Variants in PTPRG observed in about 807,000 individuals in gnomAD.
PTPRG encodes protein tyrosine phosphatase receptor type G, also known as receptor-type tyrosine-protein phosphatase gamma.
In PTPRG, 102 loss-of-function variants were observed where a neutral mutation model predicts 165.3. The observed-to-expected ratio is 0.62, with a 90% CI of 0.53 to 0.73. The LOEUF is 0.73. PTPRG is among the 30% of genes least tolerant of loss of function. The probability of loss-of-function intolerance (pLI) is 0.00; values close to 1 mark genes in which losing one functional copy is unlikely to be tolerated. For synonymous variants in PTPRG, 675 were observed against 669.5 expected, an observed-to-expected ratio of 1.01 and a Z score of -0.13; for missense variants, 1,866 against 1,861.4, an observed-to-expected ratio of 1.00 and a Z score of -0.05.
At chr3:61,910,203 C>G (rs1281756374) in intron 2 of PTPRG, among the ~76,000 whole-genome samples, 2 of 152,268 alleles carry the variant, frequency 1.3e-5, no homozygotes, top group African/African-American at 2.4e-5. Flanking sequence ...GTGTATTGAT[C>G]CATCCCATTC....
chr3:61,653,376 T>G (rs1364020473), intron 1 of PTPRG, among the ~76,000 whole-genome samples: 2 of 152,192 alleles, frequency 1.3e-5, no homozygotes, highest in African/African-American at 4.8e-5. Context: ...CTGTTCCTTG[T>G]CATTTTTAGC....
At chr3:61,811,192 G>A (rs994300722) in intron 2 of PTPRG, among the ~76,000 whole-genome samples, 3 of 151,976 alleles carry the variant, frequency 2.0e-5, no homozygotes, top group African/African-American at 7.2e-5. Flanking sequence ...TGTCATGGAA[G>A]GCCCATGAAT....
intron 2 of PTPRG, among the ~76,000 whole-genome samples, chr3:61,849,758 T>C (rs889225304): frequency 1.3e-5 from 2 of 152,220 alleles, no homozygotes; most frequent in African/African-American, 4.8e-5. Context: ...AAATCCTGCG[T>C]ATACCCATAG....
chr3:61,709,424 C>G (rs1005438527), intron 1 of PTPRG, among the ~76,000 whole-genome samples: 3 of 152,144 alleles, frequency 2.0e-5, no homozygotes, highest in African/African-American at 7.2e-5. Flanking sequence ...AAGTGGTTCT[C>G]CTGCCTCACC....
chr3:61,853,477 T>G (rs1271772202), intron 2 of PTPRG, among the ~76,000 whole-genome samples: 1 of 152,218 alleles, frequency 6.6e-6, no homozygotes, highest in Non-Finnish European at 1.5e-5. Context: ...CACCAACAGC[T>G]GGTACCATTT....
chr3:61,610,379 G>T (rs982727176), intron 1 of PTPRG, among the ~76,000 whole-genome samples: 1 of 152,022 alleles, frequency 6.6e-6, no homozygotes, highest in Non-Finnish European at 1.5e-5. Context: ...CAAATCATTT[G>T]GTAGATGTAT....
Position 62,106,578 on chromosome 3 carries a change from G to A in PTPRG, c.616-26024G>A, listed in dbSNP as rs557591605. On this transcript the variant is annotated intron_variant, in intron 5 of 29. Transcript: ENST00000474889. ...TGCAGTGACGCAATCACGGTTCACC[G>A]CAGCCTTGACATCCCCCAGGTTCTA... is the stretch of plus-strand genomic sequence containing the variant. Among the ~76,000 whole-genome samples, 15 of 144,788 alleles carry A rather than the reference G, an allele frequency of 1.0e-4. No homozygotes were observed. The South Asian group carries it at 2.2e-3, about 21-fold the overall frequency. 95.0% of individuals were successfully genotyped at this position (144,788 alleles called of 152,430 possible).
At chr3:61,680,403 A>T (rs192456936) in intron 1 of PTPRG, among the ~76,000 whole-genome samples, 1 of 151,740 alleles carries the variant, frequency 6.6e-6, no homozygotes, top group African/African-American at 2.4e-5. Flanking sequence ...ACTCTTGCCC[A>T]GGCTGAGTAT....
intron 1 of PTPRG, 123 bp downstream of exon 1, chr3:61,562,495 C>G: frequency 5.0e-6 from 4 of 801,658 alleles, no homozygotes; most frequent in Non-Finnish European, 8.2e-6. Flanking sequence ...GAGGGTGGCC[C>G]GGCGCCCGGA....
chr3:62,090,671 A>G (rs185501242), intron 5 of PTPRG, among the ~76,000 whole-genome samples: 8 of 152,328 alleles, frequency 5.3e-5, no homozygotes, highest in Non-Finnish European at 8.8e-5. Flanking sequence ...AAATAACAGT[A>G]GGTGATATTT....
intron 1 of PTPRG, among the ~76,000 whole-genome samples, chr3:61,621,421 G>T (rs1701454439): frequency 6.6e-6 from 1 of 152,174 alleles, no homozygotes; most frequent in Admixed American, 6.5e-5. Flanking sequence ...TTCAGCAGCA[G>T]TTCTTCTCCC....
chr3:62,190,192 C>T lies in PTPRG; in HGVS notation c.1034-1277C>T, dbSNP rs772250013. ...AGCAACCTTTGGCAACACCTGGAGA[C>T]ATTTTTGGTTGTCACAAGTTGAGGA... On this transcript the variant is annotated intron_variant, in intron 8 of 29. Coordinates refer to ENST00000474889, the MANE Select transcript of PTPRG (RefSeq NM_002841.4). This position sits in a 1 kb window ranked among gnomAD's most constrained non-coding sequence, Gnocchi z 5.2. 5.3e-5 allele frequency among the ~76,000 whole-genome samples: 8 copies of T among 152,272 alleles called. No homozygotes were observed. The highest frequency in any genetic ancestry group is 2.1e-4 in the South Asian group (1 of 4,826).
At position 61,649,646 on chromosome 3, in the gene PTPRG, A is replaced by G. The variant is rs75791815; in HGVS notation, c.85+87274A>G. Among the ~76,000 whole-genome samples, 559 of 152,378 alleles carry G rather than the reference A, an allele frequency of 3.7e-3. 4 individuals carry two copies. Among genetic ancestry groups the G allele is most frequent in the African/African-American group, 0.011 (438 of 41,600 alleles). Reference sequence around the variant, plus strand: ...ACAACACCTACGTTTTGGAGGAGACATGCAGGCTTCAAATCACAGCAGGGC... The same window carrying G: ...ACAACACCTACGTTTTGGAGGAGACGTGCAGGCTTCAAATCACAGCAGGGC... On this transcript the variant is annotated intron_variant, in intron 1 of 29. Coordinates refer to ENST00000474889, the MANE Select transcript of PTPRG (RefSeq NM_002841.4).
At chr3:62,199,422 G>T (rs558314819) in intron 10 of PTPRG, among the ~76,000 whole-genome samples, 2 of 152,022 alleles carry the variant, frequency 1.3e-5, no homozygotes, top group East Asian at 1.9e-4. Flanking sequence ...AGACCATGTG[G>T]CCACCTAAAG....
intron 2 of PTPRG, among the ~76,000 whole-genome samples, chr3:61,924,913 G>A (rs1002363531): frequency 2.0e-5 from 3 of 152,170 alleles, no homozygotes; most frequent in Non-Finnish European, 2.9e-5. Flanking sequence ...GGTCATAAGC[G>A]TGGAGCTCTC....
In PTPRG at chr3:62,066,909, G is replaced by A. The variant is rs349169; in HGVS notation, c.520-11254G>A. Among the ~76,000 whole-genome samples the A allele has an allele frequency of 6.2e-3, 944 of 151,940 alleles. 7 individuals carry two copies. The highest frequency in any genetic ancestry group is 0.021 in the African/African-American group (883 of 41,426). On this transcript the variant is annotated intron_variant, in intron 4 of 29. Transcript: ENST00000474889. ...AATAATTAGCTGGATGTGGTGGCAC[G>A]TGCCTGTAATCCCAGCTACTCAGGA...
chr3:61,767,732 G>T, intron 2 of PTPRG, among the ~76,000 whole-genome samples: 1 of 152,132 alleles, frequency 6.6e-6, no homozygotes, highest in Non-Finnish European at 1.5e-5. Context: ...ACTTTGGGAA[G>T]CCGAGGTGGG....
chr3:61,850,967 G>A (rs979961309), intron 2 of PTPRG, among the ~76,000 whole-genome samples: 1 of 152,184 alleles, frequency 6.6e-6, no homozygotes, highest in Non-Finnish European at 1.5e-5. Context: ...TTTCTGAGAG[G>A]CTCCAGCACT....
chr3:61,876,572 T>A (rs954660354), intron 2 of PTPRG, among the ~76,000 whole-genome samples: 1 of 152,168 alleles, frequency 6.6e-6, no homozygotes, highest in African/African-American at 2.4e-5. Context: ...CTTATTTTTT[T>A]AAAAAGTAAT....
Sources: gnomAD v4.1 joint callset for allele counts (sites outside exome capture counted in the v4.1 genomes callset) on GRCh38, gnomAD v4.1.1 for gene constraint, Gnocchi (gnomAD v3.1) non-coding constraint, MANE v1.5 for transcripts, NCBI Gene and HGNC (gene_info 2026-07-23, HGNC 2026-07-21) for gene names.